Variants in HDAC8 observed in about 807,000 individuals in gnomAD.
HDAC8 encodes histone deacetylase-like 1.
In HDAC8, 1 loss-of-function variant was observed where a neutral mutation model predicts 32.2. The observed-to-expected ratio is 0.03, with a 90% CI of 0.01 to 0.15. The LOEUF is 0.15. Among genes scored for constraint, HDAC8 ranks in the 10% least tolerant of loss-of-function variants. The probability of loss-of-function intolerance (pLI) is 1.00; values close to 1 mark genes in which losing one functional copy is unlikely to be tolerated. For synonymous variants in HDAC8, 108 were observed against 113.9 expected (o/e 0.95, Z 0.33); for missense variants, 117 against 300.0 (o/e 0.39, Z 4.51).
chrX:72,471,713 G>A (rs944351320), intron 7 of HDAC8, among the ~76,000 whole-genome samples: 10 of 111,577 alleles, frequency 9.0e-5, no homozygotes, highest in Non-Finnish European at 1.9e-4. Flanking sequence ...TTTTTAATAT[G>A]GAGTTGTAAG....
At chrX:72,408,681 C>T (rs1555969341) in intron 9 of HDAC8, among the ~76,000 whole-genome samples, 1 of 112,234 alleles carries the variant, frequency 8.9e-6, no homozygotes, top group Non-Finnish European at 1.9e-5. Context: ...GCTGAGATTA[C>T]AGGCGTGAGC....
At chrX:72,481,798 C>T (rs371513615) in intron 7 of HDAC8, among the ~76,000 whole-genome samples, 20 of 109,002 alleles carry the variant, frequency 1.8e-4, no homozygotes, top group East Asian at 1.5e-3. Context: ...TTAGTAGAGA[C>T]GGGGTTTTAT....
chrX:72,474,979 A>G (rs2048291141), intron 7 of HDAC8, among the ~76,000 whole-genome samples: 2 of 111,243 alleles, frequency 1.8e-5, no homozygotes, highest in Non-Finnish European at 3.8e-5. Flanking sequence ...GGGCAATGGG[A>G]TGCCAGAGCA....
intron 9 of HDAC8, among the ~76,000 whole-genome samples, chrX:72,406,094 T>G (rs1555968695): frequency 2.7e-5 from 3 of 112,230 alleles, no homozygotes; most frequent in Non-Finnish European, 1.9e-5. Context: ...AAATTGTGAT[T>G]TTTCATTGTG....
chrX:72,484,342 T>C (rs1245670216), intron 7 of HDAC8, among the ~76,000 whole-genome samples: 2 of 112,163 alleles, frequency 1.8e-5, no homozygotes, highest in African/African-American at 3.2e-5. Flanking sequence ...TATATGGATA[T>C]AAACACTGCT....
intron 9 of HDAC8, among the ~76,000 whole-genome samples, chrX:72,427,177 G>C (rs1176726674): frequency 9.0e-6 from 1 of 110,990 alleles, no homozygotes; most frequent in Non-Finnish European, 1.9e-5. Flanking sequence ...GGGATCCATT[G>C]AATTATCTTT....
At chrX:72,517,914 C>G (rs2049858031) in intron 4 of HDAC8, among the ~76,000 whole-genome samples, 1 of 111,465 alleles carries the variant, frequency 9.0e-6, no homozygotes, top group African/African-American at 3.3e-5. Flanking sequence ...CTGTCAATTT[C>G]TACAACAAGC....
chrX:72,466,910 C>A (rs1289520422), intron 7 of HDAC8: 3 of 111,437 alleles, frequency 2.7e-5, no homozygotes, highest in African/African-American at 9.8e-5. Context: ...TTGATACATG[C>A]AAAAAATCTG....
At chrX:72,369,257 C>T (rs1368686273) in intron 9 of HDAC8, among the ~76,000 whole-genome samples, 4 of 111,206 alleles carry the variant, frequency 3.6e-5, no homozygotes, top group Non-Finnish European at 7.5e-5. Flanking sequence ...GCCAGGGCTC[C>T]CACAGAAGCT....
chrX:72,465,409 T>C (rs1425484352), intron 7 of HDAC8, among the ~76,000 whole-genome samples: 1 of 108,499 alleles, frequency 9.2e-6, no homozygotes, highest in African/African-American at 3.5e-5. Context: ...CAGTGCTACC[T>C]ACTCAACCTA....
chrX:72,494,772 C>T (rs1286879466), intron 5 of HDAC8, among the ~76,000 whole-genome samples: 1 of 111,856 alleles, frequency 8.9e-6, no homozygotes, highest in Non-Finnish European at 1.9e-5. Context: ...GCCCATCATA[C>T]GCCCATTCTA....
Position 72,346,797 on chromosome X carries a change from A to T in HDAC8, c.1111+4936T>A, listed in dbSNP as rs782010411. ...GAGGGGGCGGGGCCTAGGGAGGGCT[A>T]CAAAGCCTATGTCAGGGGCCAGAAT... is the stretch of plus-strand genomic sequence containing the variant. On this transcript the variant is annotated intron_variant, in intron 10 of 10. Coordinates refer to ENST00000373573, the MANE Select transcript of HDAC8 (RefSeq NM_018486.3). Among the ~76,000 whole-genome samples, 5 of 111,320 alleles carry T rather than the reference A, an allele frequency of 4.5e-5. No individual in the cohort carries two copies. The East Asian group carries it at 1.4e-3, about 32-fold the overall frequency.
chrX:72,493,358 G>A (rs2048926268), intron 5 of HDAC8, among the ~76,000 whole-genome samples: 1 of 111,610 alleles, frequency 9.0e-6, no homozygotes, highest in East Asian at 2.8e-4. Flanking sequence ...GAAGACCACT[G>A]TTTTTCAAAG....
intron 9 of HDAC8, among the ~76,000 whole-genome samples, chrX:72,451,608 C>T (rs996405053): frequency 5.3e-5 from 6 of 112,514 alleles, no homozygotes; most frequent in South Asian, 3.7e-4. Flanking sequence ...TCAGAAACAA[C>T]AGAAGCCAGA....
At chrX:72,449,281 G>A (rs2047508103) in intron 9 of HDAC8, among the ~76,000 whole-genome samples, 1 of 111,492 alleles carries the variant, frequency 9.0e-6, no homozygotes, top group Non-Finnish European at 1.9e-5. Flanking sequence ...CCTTTGCAGG[G>A]ACATGGATGA....
At chrX:72,562,685 A>AAT (rs1244426101) in intron 4 of HDAC8, among the ~76,000 whole-genome samples, 2 of 110,632 alleles carry the variant, frequency 1.8e-5, no homozygotes, top group Non-Finnish European at 3.8e-5. Context: ...GAAATAAAAA[A>AAT]ATATATATAT....
chrX:72,501,993 C>T (rs1485532310), intron 4 of HDAC8, among the ~76,000 whole-genome samples: 1 of 111,978 alleles, frequency 8.9e-6, no homozygotes, highest in African/African-American at 3.2e-5. Context: ...AGACGACATA[C>T]ATGCGGCCAA....
intron 4 of HDAC8, among the ~76,000 whole-genome samples, chrX:72,524,965 A>T (rs782228206): frequency 1.8e-5 from 2 of 111,699 alleles, no homozygotes; most frequent in African/African-American, 6.5e-5. Context: ...CAATTTTTCC[A>T]TGGGCATGGT....
chrX:72,542,532 G>A (rs184082844), intron 4 of HDAC8, among the ~76,000 whole-genome samples: 1,203 of 111,977 alleles, frequency 0.011, 8 homozygotes, highest in Non-Finnish European at 0.016. Context: ...GAATGAGGCG[G>A]TGGACCAACC....
Sources: allele counts gnomAD v4.1 joint callset (sites outside exome capture counted in the v4.1 genomes callset), GRCh38; gene constraint gnomAD v4.1.1; transcripts MANE v1.5; gene names NCBI Gene and HGNC (gene_info 2026-07-23, HGNC 2026-07-21).